Variants in LIMCH1 observed in about 807,000 individuals in gnomAD.
The protein encoded by LIMCH1 is LIM and calponin homology domains 1, also known as LIM and calponin homology domains-containing protein 1.
A neutral mutation model predicts 176.5 loss-of-function variants in LIMCH1; 113 were observed. The ratio of observed to expected loss-of-function variants is 0.64; its 90% CI spans 0.55 to 0.75. LIMCH1 has a LOEUF of 0.75. Ranked by LOEUF, LIMCH1 falls within the 30% of genes least tolerant of loss-of-function variation. The probability of loss-of-function intolerance (pLI) is 0.00; values close to 1 mark genes in which losing one functional copy is unlikely to be tolerated. For missense variants in LIMCH1, 1,674 were observed against 1,814.9 expected, an observed-to-expected ratio of 0.92 and a Z score of 1.41; for synonymous variants, 619 against 645.9, an observed-to-expected ratio of 0.96 and a Z score of 0.63.
chr4:41,457,081 C>T (rs1394514326), intron 1 of LIMCH1, among the ~76,000 whole-genome samples: 2 of 152,130 alleles, frequency 1.3e-5, no homozygotes, highest in Non-Finnish European at 2.9e-5. Context: ...AGAACTTATA[C>T]TTTGGTTAGA....
chr4:41,601,611 C>T (rs1254345999), intron 2 of LIMCH1, among the ~76,000 whole-genome samples: 1 of 152,102 alleles, frequency 6.6e-6, no homozygotes, highest in African/African-American at 2.4e-5. Context: ...GGATGTTGAA[C>T]TCAGAATCAT....
At chr4:41,557,994 A>G (rs925637199) in intron 1 of LIMCH1, among the ~76,000 whole-genome samples, 1 of 152,108 alleles carries the variant, frequency 6.6e-6, no homozygotes, top group Non-Finnish European at 1.5e-5. Flanking sequence ...GTTGCAGATT[A>G]TCTACCTTAT....
chr4:41,626,244 T>A (rs2092942051), intron 7 of LIMCH1, among the ~76,000 whole-genome samples: 1 of 152,184 alleles, frequency 6.6e-6, no homozygotes, highest in Admixed American at 6.5e-5. Flanking sequence ...TTACACATTC[T>A]AGGTGTGGTG....
At chr4:41,467,003 G>A (rs377054661) in intron 1 of LIMCH1, among the ~76,000 whole-genome samples, 57 of 152,180 alleles carry the variant, frequency 3.7e-4, no homozygotes, top group East Asian at 2.7e-3. Context: ...TAGGTACCTC[G>A]CATAGGTGGA....
intron 1 of LIMCH1, among the ~76,000 whole-genome samples, chr4:41,384,628 T>G (rs2056235683): frequency 6.6e-6 from 1 of 152,188 alleles, no homozygotes; most frequent in Non-Finnish European, 1.5e-5. Flanking sequence ...CCTGACTGGT[T>G]GGGCACATGG....
intron 1 of LIMCH1, among the ~76,000 whole-genome samples, chr4:41,462,555 C>T (rs962533765): frequency 1.3e-5 from 2 of 152,168 alleles, no homozygotes; most frequent in Admixed American, 6.5e-5. Flanking sequence ...GTAATTCAAA[C>T]ATAAACTTAA....
intron 2 of LIMCH1, among the ~76,000 whole-genome samples, chr4:41,600,581 C>T (rs2089738533): frequency 6.6e-6 from 1 of 152,058 alleles, no homozygotes. Context: ...TCTCGTATCA[C>T]CTTTATTGCT....
In LIMCH1 at chr4:41,627,026, G is replaced by A. The variant is rs1294500881; in HGVS notation, c.1028+16G>A. 2.8e-6 allele frequency: 4 copies of A among 1,444,206 alleles called. No individual in the cohort carries two copies. In the East Asian group the frequency reaches 1.1e-4, roughly 41 times the overall value. The allele number at this position is 1,444,206 out of a possible 1,614,324, so 89.5% of individuals were successfully genotyped here. A position where few individuals can be genotyped will look rare whatever the true frequency, so the allele number is the denominator to read the frequency against. ...AATATAAAAGGTGTGCATGGTGTGT[G>A]TGTGTGTGTGTGTGTGTGTGTGTGT... On this transcript the variant is annotated intron_variant, in intron 8 of 31. Transcript: ENST00000503057.
intron 2 of LIMCH1, among the ~76,000 whole-genome samples, chr4:41,505,145 G>A (rs887857764): frequency 6.6e-6 from 1 of 152,184 alleles, no homozygotes; most frequent in Non-Finnish European, 1.5e-5. Context: ...GTTCGTCTAT[G>A]TAACAGAGAA....
At chr4:41,623,747 C>T (rs529374871) in intron 7 of LIMCH1, among the ~76,000 whole-genome samples, 19 of 152,146 alleles carry the variant, frequency 1.2e-4, no homozygotes, top group Admixed American at 7.2e-4. Context: ...GGCAACAGAG[C>T]GAGACTCGCA....
At chr4:41,510,029 C>T (rs767473989) in intron 2 of LIMCH1, among the ~76,000 whole-genome samples, 1 of 152,204 alleles carries the variant, frequency 6.6e-6, no homozygotes, top group Admixed American at 6.5e-5. Context: ...TCTCCTAATA[C>T]ATAGTCTTAT....
intron 1 of LIMCH1, among the ~76,000 whole-genome samples, chr4:41,373,935 C>T (rs2054343278): frequency 6.6e-6 from 1 of 152,176 alleles, no homozygotes; most frequent in South Asian, 2.1e-4. Flanking sequence ...GTACCTCCCC[C>T]TGCTCTCTCT....
chr4:41,569,725 A>G (rs2083270766), intron 1 of LIMCH1, among the ~76,000 whole-genome samples: 1 of 152,214 alleles, frequency 6.6e-6, no homozygotes, highest in South Asian at 2.1e-4. Flanking sequence ...CATATTCAAT[A>G]TTGAAGTGGG....
At chr4:41,425,179 A>G (rs1308130210) in intron 1 of LIMCH1, among the ~76,000 whole-genome samples, 1 of 152,210 alleles carries the variant, frequency 6.6e-6, no homozygotes, top group Admixed American at 6.5e-5. Flanking sequence ...TAAACATGGA[A>G]CAGATGTAAA....
At chr4:41,591,421 C>T (rs571327859) in intron 1 of LIMCH1, among the ~76,000 whole-genome samples, 1 of 151,860 alleles carries the variant, frequency 6.6e-6, no homozygotes, top group Non-Finnish European at 1.5e-5. Flanking sequence ...TTTTAAAAAA[C>T]GTTTTATAGA....
intron 17 of LIMCH1, among the ~76,000 whole-genome samples, chr4:41,648,866 A>T (rs994283186): frequency 6.6e-6 from 1 of 151,904 alleles, no homozygotes; most frequent in Non-Finnish European, 1.5e-5. Context: ...TGAAGCCAAT[A>T]TAAAAAAAAA....
intron 1 of LIMCH1, among the ~76,000 whole-genome samples, chr4:41,588,804 G>A (rs1004385643): frequency 5.6e-4 from 86 of 152,266 alleles, no homozygotes; most frequent in Non-Finnish European, 3.2e-4. Context: ...GCCTGTCTTC[G>A]TGGAACGGAA....
intron 4 of LIMCH1, 103 bp from the exon 5 acceptor site, chr4:41,613,363 G>A (rs2091693297): frequency 6.3e-6 from 6 of 955,324 alleles, no homozygotes; most frequent in South Asian, 1.7e-5. Flanking sequence ...TTTCCATTCT[G>A]ATGTGATATG....
rs562876263 is a variant in LIMCH1 at position 41,445,544 on chromosome 4, G to A, written c.97-48992G>A. 6.6e-5 allele frequency among the ~76,000 whole-genome samples: 10 copies of A among 152,300 alleles called. No individual in the cohort carries two copies. In the South Asian group the frequency reaches 2.1e-3, roughly 32 times the overall value. On this transcript the variant is annotated intron_variant, in intron 1 of 26. Coordinates refer to the LIMCH1 transcript ENST00000313860. ...TTTGGCAATGAAAATTGCAACTGAA[G>A]CACTGCTAATATTTTCAAGAAAAAC... is the stretch of plus-strand genomic sequence containing the variant.
Sources: allele counts gnomAD v4.1 joint callset (sites outside exome capture counted in the v4.1 genomes callset), GRCh38; gene constraint gnomAD v4.1.1; transcripts MANE v1.5; gene names NCBI Gene and HGNC (gene_info 2026-07-23, HGNC 2026-07-21).